Variants in NCOR1 observed in about 807,000 individuals in gnomAD.
NCOR1 encodes the protein protein phosphatase 1, regulatory subunit 109.
In NCOR1, 63 loss-of-function variants were observed where a neutral mutation model predicts 288.1. The ratio of observed to expected loss-of-function variants is 0.22; its 90% CI spans 0.18 to 0.27. The LOEUF (loss-of-function observed/expected upper bound fraction) is 0.27. Ranked by LOEUF, NCOR1 falls within the 10% of genes least tolerant of loss-of-function variation. NCOR1 has a pLI of 1.00. For missense variants in NCOR1, 2,397 were observed against 3,019.2 expected, an observed-to-expected ratio of 0.79 and a Z score of 4.83; for synonymous variants, 1,007 against 1,065.9, an observed-to-expected ratio of 0.94 and a Z score of 1.08.
At chr17:16,210,398 A>C (rs991985744) in intron 1 of NCOR1, among the ~76,000 whole-genome samples, 3 of 152,138 alleles carry the variant, frequency 2.0e-5, no homozygotes, top group African/African-American at 4.8e-5. Flanking sequence ...AATAATAGTA[A>C]TAATAATAAT....
In NCOR1 at chr17:16,039,449, G is replaced by T. The variant is rs752130646; in HGVS notation, c.6939C>A (p.Asp2313Glu). 4 of 1,613,926 alleles carry T rather than the reference G, an allele frequency of 2.5e-6. No individual in the cohort carries two copies. The highest frequency in any genetic ancestry group is 1.7e-5 in the Admixed American group (1 of 60,018). ...AAGCTGTACCTGAATGAGGTGATGG[G>T]TCCCCTTCCTCTCTTCGTGTCTCAC... ...TSGETRREEGDPSPHSGGVCK... is the reference protein window; with the variant it reads ...TSGETRREEGEPSPHSGGVCK... The change falls in exon 44 of 46, where the codon GAC becomes GAA. Residue 2313 changes from aspartate (D) to glutamate (E), a missense_variant. Asp to Glu is a conservative substitution (Grantham distance 45). Around this residue, in one of 11 missense-constraint regions of NCOR1, gnomAD observed 1,872 missense variants for 2,187.8 expected, o/e 0.86. Coordinates refer to ENST00000268712, the MANE Select transcript of NCOR1 (RefSeq NM_006311.4).
intron 20 of NCOR1, 67 bp downstream of exon 20, chr17:16,101,183 A>G: frequency 6.7e-7 from 1 of 1,485,662 alleles, no homozygotes; most frequent in Non-Finnish European, 9.0e-7. Flanking sequence ...TGCAGCCAGC[A>G]CCACCCTGTG....
rs760356292 is a variant in NCOR1 at position 16,194,521 on chromosome 17, G to C, written c.49C>G (p.Gln17Glu). The part of the protein sequence containing the change: ...PPNQGAFSTE[Q>E]SRYPPHSVQY... The stretch of plus-strand genomic sequence containing the variant: ...ACAGAGTGAGGAGGATAACGACTTT[G>C]TTCTGTGCTGAATGCTCCTTGGTTG... The change falls in exon 2 of 46, where the codon CAA becomes GAA. Residue 17 changes from glutamine (Q) to glutamate (E), a missense_variant. Coordinates refer to ENST00000268712, the MANE Select transcript of NCOR1 (RefSeq NM_006311.4). The C allele has an allele frequency of 2.0e-5, 33 of 1,610,768 alleles. No homozygotes were observed. Among genetic ancestry groups the C allele is most frequent in the Admixed American group, 2.0e-4 (12 of 59,642 alleles).
intron 19 of NCOR1, among the ~76,000 whole-genome samples, chr17:16,102,456 A>G (rs2067808031): frequency 1.3e-5 from 2 of 151,982 alleles, no homozygotes; most frequent in East Asian, 3.9e-4. Context: ...CTAATTTTGT[A>G]GAATTTATTT....
chr17:16,030,703 G>C lies in NCOR1; in HGVS notation c.*1593C>G, dbSNP rs1430158353. 5.6e-6 allele frequency: 1 copy of C among 179,586 alleles called. No individual in the cohort carries two copies. The highest frequency in any genetic ancestry group is 9.3e-5 in the East Asian group (1 of 10,744). The allele number at this position is 179,586 out of a possible 1,614,324, so 11.1% of individuals were successfully genotyped here. On this transcript the variant is annotated 3_prime_UTR_variant, in exon 46 of 46. Coordinates refer to ENST00000268712, the MANE Select transcript of NCOR1 (RefSeq NM_006311.4). ...GAACAGGGACAGGAGTGAAAGCTTT[G>C]ACTGAAGACAAATGTGGGCTTATGG...
At chr17:16,123,962 TTAAA>T (rs1244669170) in intron 15 of NCOR1, among the ~76,000 whole-genome samples, 5 of 152,238 alleles carry the variant, frequency 3.3e-5, no homozygotes, top group Admixed American at 3.3e-4. Context: ...TAAAAGCTTG[TTAAA>T]TAGTTTAGAA....
At chr17:16,128,223 A>T (rs2075054289) in intron 14 of NCOR1, among the ~76,000 whole-genome samples, 1 of 152,092 alleles carries the variant, frequency 6.6e-6, no homozygotes, top group South Asian at 2.1e-4. Flanking sequence ...TTCTGGACTC[A>T]CCTAAACATG....
chr17:16,039,571 C>T lies in NCOR1; in HGVS notation c.6817G>A (p.Gly2273Arg), dbSNP rs564442571. The change falls in exon 44 of 46, where the codon GGA (glycine) becomes AGA (arginine). Residue 2273 changes from glycine (G) to arginine (R), a missense_variant. By Grantham distance (125) the Gly-to-Arg change is moderately radical. Around this residue, in one of 11 missense-constraint regions of NCOR1, gnomAD observed 1,872 missense variants for 2,187.8 expected, o/e 0.86. Transcript: ENST00000268712. ...TCCTCAACTTTGTCATCAAAGCTTC[C>T]CATGAGAGCCTTCCTGATAATGTCT... ...LEDIIRKALM[G>R]SFDDKVEDHG... 1.1e-5 allele frequency: 17 copies of T among 1,614,120 alleles called. No homozygotes were observed. The South Asian group carries it at 1.4e-4, about 14-fold the overall frequency.
intron 42 of NCOR1, among the ~76,000 whole-genome samples, chr17:16,041,755 A>C (rs572063681): frequency 6.9e-6 from 1 of 144,188 alleles, no homozygotes; most frequent in Non-Finnish European, 1.5e-5. Flanking sequence ...ATTTATTTTT[A>C]AGACGGAGTC....
chr17:16,131,472 G>C (rs1174227317), intron 14 of NCOR1, among the ~76,000 whole-genome samples: 2 of 152,016 alleles, frequency 1.3e-5, no homozygotes, highest in Non-Finnish European at 2.9e-5. Flanking sequence ...AATTATATTT[G>C]TTTTAAATGT....
intron 21 of NCOR1, among the ~76,000 whole-genome samples, chr17:16,094,898 G>A (rs953394220): frequency 5.9e-5 from 9 of 152,160 alleles, no homozygotes; most frequent in Non-Finnish European, 1.0e-4. Context: ...GTGCAGTGGC[G>A]TGATCTCGGC....
At chr17:16,043,951 C>G (rs2058194836) in intron 42 of NCOR1, among the ~76,000 whole-genome samples, 1 of 152,114 alleles carries the variant, frequency 6.6e-6, no homozygotes, top group South Asian at 2.1e-4. Context: ...GGGTGGATCA[C>G]CTGAGGTCAG....
At chr17:16,212,903 C>G (rs555443302) in intron 1 of NCOR1, among the ~76,000 whole-genome samples, 1 of 151,808 alleles carries the variant, frequency 6.6e-6, no homozygotes, top group Non-Finnish European at 1.5e-5. Flanking sequence ...CAAACCCTTT[C>G]TCTACAAACA....
At chr17:16,039,796 CTT>C in intron 43 of NCOR1, 142 bp from the exon 44 acceptor site, 3 of 686,220 alleles carry the variant, frequency 4.4e-6, no homozygotes, top group Non-Finnish European at 7.1e-6. Context: ...ACACAGAGAC[CTT>C]TTTTTTTGGA....
chr17:16,054,273 C>T (rs973118151), intron 40 of NCOR1, among the ~76,000 whole-genome samples: 1 of 152,092 alleles, frequency 6.6e-6, no homozygotes, highest in Non-Finnish European at 1.5e-5. Flanking sequence ...AGACAACCTA[C>T]AGAATGGGAG....
chr17:16,037,198 C>T (rs2056575740), intron 44 of NCOR1, among the ~76,000 whole-genome samples: 1 of 152,108 alleles, frequency 6.6e-6, no homozygotes. Context: ...GGTTGTTTGC[C>T]ATCTTATACA....
In NCOR1 at chr17:16,108,815, T is replaced by C. The variant is rs563040992; in HGVS notation, c.2153A>G (p.Asn718Ser). ...GCTGTCTTCTGGATTTTCTTCTTCATTGGAGGCTTCAATATCTTCATCCTC... is the reference window on the plus strand; with the variant it reads ...GCTGTCTTCTGGATTTTCTTCTTCACTGGAGGCTTCAATATCTTCATCCTC... ...AQEDEDIEAS[N>S]EEENPEDSEV... The change falls in exon 19 of 46, where the codon AAT becomes AGT. Residue 718 changes from asparagine (N) to serine (S), a missense_variant. This residue lies in a region of NCOR1 where 1,872 missense variants were observed against 2,187.8 expected (regional missense o/e 0.86). Transcript: ENST00000268712. The C allele has an allele frequency of 1.2e-6, 2 of 1,605,878 alleles. No individual in the cohort carries two copies. The highest frequency in any genetic ancestry group is 2.2e-5 in the East Asian group (1 of 44,734).
intron 18 of NCOR1, among the ~76,000 whole-genome samples, chr17:16,116,560 A>G (rs2071624695): frequency 6.6e-6 from 1 of 152,230 alleles, no homozygotes. Flanking sequence ...ATTTTCAAGA[A>G]AATGTCTCCC....
intron 1 of NCOR1, among the ~76,000 whole-genome samples, chr17:16,196,703 T>C (rs1456917857): frequency 6.6e-6 from 1 of 151,392 alleles, no homozygotes; most frequent in African/African-American, 2.4e-5. Flanking sequence ...CGGGTGCCTG[T>C]AGTCCCAGCT....
Sources: allele counts gnomAD v4.1 joint callset (sites outside exome capture counted in the v4.1 genomes callset), GRCh38; gene constraint gnomAD v4.1.1; regional missense constraint gnomAD v4.1.1; transcripts MANE v1.5; gene names NCBI Gene and HGNC (gene_info 2026-07-23, HGNC 2026-07-21).